Variants in SRBD1 observed in about 807,000 individuals in gnomAD.
The protein encoded by SRBD1 is S1 RNA binding domain 1.
A neutral mutation model predicts 115.3 loss-of-function variants in SRBD1; 88 were observed. That is an observed-to-expected ratio of 0.76 (90% CI 0.64 to 0.91). SRBD1 has a LOEUF of 0.91. SRBD1 is among the 40% of genes least tolerant of loss of function. The pLI, the probability that SRBD1 is intolerant of heterozygous loss-of-function variation, is 0.00. For missense variants in SRBD1, 1,385 were observed against 1,177.4 expected, an observed-to-expected ratio of 1.18 and a Z score of -2.58; for synonymous variants, 509 against 407.7, an observed-to-expected ratio of 1.25 and a Z score of -2.99.
chr2:45,466,455 C>A (rs1354452878), intron 16 of SRBD1, among the ~76,000 whole-genome samples: 1 of 152,074 alleles, frequency 6.6e-6, no homozygotes, highest in Non-Finnish European at 1.5e-5. Flanking sequence ...AAATCCTGAC[C>A]TCCTTAAATA....
chr2:45,497,437 T>C (rs1047182471), intron 14 of SRBD1, among the ~76,000 whole-genome samples: 1 of 152,182 alleles, frequency 6.6e-6, no homozygotes, highest in African/African-American at 2.4e-5. Context: ...CATTTAACTT[T>C]CCTTCAATCT....
chr2:45,509,145 A>T (rs1373326031), intron 14 of SRBD1, among the ~76,000 whole-genome samples: 3 of 152,174 alleles, frequency 2.0e-5, no homozygotes, highest in Non-Finnish European at 2.9e-5. Flanking sequence ...CAAGCAACCT[A>T]CTTCTCCAAA....
chr2:45,535,280 G>C (rs539754794), intron 14 of SRBD1, among the ~76,000 whole-genome samples: 1 of 151,994 alleles, frequency 6.6e-6, no homozygotes, highest in South Asian at 2.1e-4. Flanking sequence ...ATCAATAGCT[G>C]TGCTGAGGTC....
intron 14 of SRBD1, among the ~76,000 whole-genome samples, chr2:45,519,541 C>G (rs142090532): frequency 6.6e-4 from 100 of 152,142 alleles, no homozygotes; most frequent in African/African-American, 2.3e-3. Flanking sequence ...GGTGATTATT[C>G]CATTCATACT....
chr2:45,392,041 T>C (rs1264200093), intron 20 of SRBD1, among the ~76,000 whole-genome samples: 1 of 152,142 alleles, frequency 6.6e-6, no homozygotes, highest in Admixed American at 6.5e-5. Flanking sequence ...ACATCCACAT[T>C]GTGTGGAGGA....
intron 16 of SRBD1, among the ~76,000 whole-genome samples, chr2:45,424,635 T>C (rs1383656664): frequency 1.3e-5 from 2 of 152,220 alleles, no homozygotes; most frequent in African/African-American, 2.4e-5. Flanking sequence ...GAGAAACTTA[T>C]TTTGAATTAC....
chr2:45,605,987 A>G (rs1024776507), intron 1 of SRBD1, among the ~76,000 whole-genome samples: 2 of 151,800 alleles, frequency 1.3e-5, no homozygotes, highest in African/African-American at 4.8e-5. Flanking sequence ...CCATCTTTTA[A>G]AAAATATAAA....
At chr2:45,477,135 T>C in intron 15 of SRBD1, 60 bp from the exon 16 acceptor site, 1 of 1,363,670 alleles carries the variant, frequency 7.3e-7, no homozygotes, top group Non-Finnish European at 1.0e-6. Flanking sequence ...ACCTAATAAT[T>C]ACTTACATTA....
chr2:45,599,777 G>C lies in SRBD1; in HGVS notation c.320C>G (p.Thr107Ser). The change falls in exon 4 of 21, where the codon ACT becomes AGT. Residue 107 changes from threonine to serine, a missense_variant. Coordinates refer to ENST00000263736, the MANE Select transcript of SRBD1 (RefSeq NM_018079.5). ...CTTGGCTGTTTTCAGAGTCTGTACA[G>C]TATCCAATTTATTTTTTCTGTCTTC... The part of the protein sequence containing the change: ...ALEDRKNKLD[T>S]VQTLKTAKTK... The C allele has an allele frequency of 1.2e-6, 2 of 1,614,060 alleles. No homozygotes were observed.
intron 16 of SRBD1, among the ~76,000 whole-genome samples, chr2:45,432,529 T>G (rs1028576994): frequency 2.7e-4 from 41 of 152,186 alleles, no homozygotes; most frequent in African/African-American, 9.4e-4. Flanking sequence ...AAAAATCATA[T>G]GTATTCCATG....
At chr2:45,550,851 G>T (rs953934265) in intron 12 of SRBD1, among the ~76,000 whole-genome samples, 2 of 152,102 alleles carry the variant, frequency 1.3e-5, no homozygotes, top group African/African-American at 2.4e-5. Flanking sequence ...ATCTGATGGG[G>T]AATTAATAGA....
At chr2:45,575,011 A>T (rs1352762869) in intron 7 of SRBD1, among the ~76,000 whole-genome samples, 2 of 152,166 alleles carry the variant, frequency 1.3e-5, no homozygotes, top group Non-Finnish European at 2.9e-5. Context: ...CAGTTGTGAG[A>T]CACTGGGCAA....
chr2:45,545,888 G>C (rs1326831193), intron 14 of SRBD1, among the ~76,000 whole-genome samples: 1 of 152,156 alleles, frequency 6.6e-6, no homozygotes, highest in South Asian at 2.1e-4. Flanking sequence ...ACAAATCCTA[G>C]AATTCTTCCT....
chr2:45,513,564 A>AT (rs1241370671), intron 14 of SRBD1, among the ~76,000 whole-genome samples: 3 of 152,220 alleles, frequency 2.0e-5, no homozygotes, highest in African/African-American at 4.8e-5. Context: ...CACAACCTTA[A>AT]TAAAAACTAT....
chr2:45,428,567 T>TA (rs1668231316), intron 16 of SRBD1, among the ~76,000 whole-genome samples: 2 of 123,278 alleles, frequency 1.6e-5, no homozygotes, highest in Admixed American at 7.6e-5. Context: ...AATAAATAAA[T>TA]AAATAAATAA....
At chr2:45,581,875 T>C (rs1177315852) in intron 5 of SRBD1, 65 bp from the exon 6 acceptor site, 2 of 1,309,238 alleles carry the variant, frequency 1.5e-6, no homozygotes, top group Non-Finnish European at 2.2e-6. Flanking sequence ...CAAAGCTACC[T>C]CAAACTTACA....
At chr2:45,522,050 TAGC>T (rs747001585) in intron 14 of SRBD1, among the ~76,000 whole-genome samples, 1 of 151,812 alleles carries the variant, frequency 6.6e-6, no homozygotes, top group Non-Finnish European at 1.5e-5. Context: ...CCAATGTTCA[TAGC>T]AGCACTATAC....
intron 7 of SRBD1, among the ~76,000 whole-genome samples, chr2:45,576,695 T>C (rs1479395883): frequency 6.6e-6 from 1 of 152,216 alleles, no homozygotes; most frequent in Non-Finnish European, 1.5e-5. Flanking sequence ...AGTCTTCATC[T>C]AGGAAAACCA....
At position 45,585,669 on chromosome 2, in the gene SRBD1, G is replaced by A. The variant is rs756549405; in HGVS notation, c.754C>T (p.Leu252Phe). 4.3e-6 allele frequency: 7 copies of A among 1,612,338 alleles called. No individual in the cohort carries two copies. In the South Asian group the frequency reaches 7.7e-5, roughly 18 times the overall value. ...IPFIIRYRKELINNLDADSLR... is the reference protein window; with the variant it reads ...IPFIIRYRKEFINNLDADSLR... ...GAATCAGCATCAAGGTTATTAATGA[G>A]CTCTTTTCTATAACGTATAATGAAG... Residue 252 changes from leucine (L) to phenylalanine (F), a missense_variant, in exon 5 of 21, where the codon CTC becomes TTC. Coordinates refer to ENST00000263736, the MANE Select transcript of SRBD1 (RefSeq NM_018079.5).
Sources: allele counts gnomAD v4.1 joint callset (sites outside exome capture counted in the v4.1 genomes callset), GRCh38; gene constraint gnomAD v4.1.1; transcripts MANE v1.5; gene names NCBI Gene and HGNC (gene_info 2026-07-23, HGNC 2026-07-21).